The following TTC28 variants were observed in gnomAD, a reference collection of about 807,000 sequenced individuals.
TTC28 encodes the protein tetratricopeptide repeat protein 28.
Under a neutral mutation model 198.0 loss-of-function variants are expected in TTC28, and 61 were observed. The ratio of observed to expected loss-of-function variants is 0.31; its 90% CI spans 0.25 to 0.38. The LOEUF (loss-of-function observed/expected upper bound fraction) is 0.38, where lower values mean the gene tolerates loss of function less well. Among genes scored for constraint, TTC28 ranks in the 10% least tolerant of loss-of-function variants. TTC28 has a pLI of 1.00. For synonymous variants in TTC28, 1,171 were observed against 1,297.8 expected, an observed-to-expected ratio of 0.90 and a Z score of 2.10; for missense variants, 2,678 against 3,164.0, an observed-to-expected ratio of 0.85 and a Z score of 3.69.
chr22:28,247,514 G>A (rs534996054), intron 5 of TTC28, among the ~76,000 whole-genome samples: 2 of 152,294 alleles, frequency 1.3e-5, no homozygotes, highest in African/African-American at 4.8e-5. Flanking sequence ...CTGCTATACC[G>A]TGAGACAGAG....
intron 2 of TTC28, among the ~76,000 whole-genome samples, chr22:28,582,770 A>T (rs1465682290): frequency 6.6e-6 from 1 of 152,210 alleles, no homozygotes; most frequent in Non-Finnish European, 1.5e-5. Flanking sequence ...AAAAATACTT[A>T]TGTGGTCAAG....
chr22:28,100,034 G>C (rs1424623469), intron 9 of TTC28, among the ~76,000 whole-genome samples: 1 of 152,180 alleles, frequency 6.6e-6, no homozygotes, highest in Non-Finnish European at 1.5e-5. Context: ...CCATCAGTGA[G>C]GCCATCAGAC....
intron 12 of TTC28, among the ~76,000 whole-genome samples, chr22:28,034,077 C>T (rs1280343132): frequency 6.6e-6 from 1 of 152,164 alleles, no homozygotes; most frequent in Admixed American, 6.5e-5. Context: ...CAAATAGTGG[C>T]TGTGCAGAAA....
chr22:28,354,423 C>T (rs1308360400), intron 2 of TTC28, among the ~76,000 whole-genome samples: 2 of 151,992 alleles, frequency 1.3e-5, no homozygotes, highest in Admixed American at 6.6e-5. Context: ...AAACCAGATA[C>T]AAAAGGACAA....
intron 5 of TTC28, among the ~76,000 whole-genome samples, chr22:28,252,570 T>C (rs1260873504): frequency 1.3e-5 from 2 of 152,214 alleles, no homozygotes; most frequent in Non-Finnish European, 2.9e-5. Flanking sequence ...GCTAGGATCC[T>C]TTTTTCTTCT....
In TTC28 at chr22:27,990,010, G is replaced by T; in HGVS notation, c.5578-3C>A. 7 of 1,549,978 alleles carry T rather than the reference G, an allele frequency of 4.5e-6. No individual in the cohort carries two copies. Among genetic ancestry groups the T allele is most frequent in the Non-Finnish European group, 6.1e-6 (7 of 1,146,070 alleles). On this transcript the variant is annotated splice_region_variant and splice_polypyrimidine_tract_variant and intron_variant, in intron 20 of 22. Coordinates refer to ENST00000397906, the MANE Select transcript of TTC28 (RefSeq NM_001145418.2). ...AGCTGAACCAGCACCTGGTGGAGCTGAGGAAGGGGGGACAGCGTGAGCACC... is the reference window on the plus strand; with the variant it reads ...AGCTGAACCAGCACCTGGTGGAGCTTAGGAAGGGGGGACAGCGTGAGCACC...
intron 2 of TTC28, among the ~76,000 whole-genome samples, chr22:28,422,218 T>G (rs753926218): frequency 7.9e-5 from 12 of 152,122 alleles, no homozygotes; most frequent in Non-Finnish European, 1.2e-4. Context: ...AAGGCTGTCT[T>G]CCTCTCACTT....
intron 1 of TTC28, among the ~76,000 whole-genome samples, chr22:28,638,359 T>TA (rs1322713055): frequency 6.6e-6 from 1 of 152,006 alleles, no homozygotes; most frequent in Non-Finnish European, 1.5e-5. Flanking sequence ...AATAAAATTA[T>TA]AAAATATTAA....
At chr22:28,524,708 CAAAG>C (rs1568998337) in intron 2 of TTC28, among the ~76,000 whole-genome samples, 1 of 152,058 alleles carries the variant, frequency 6.6e-6, no homozygotes, top group South Asian at 2.1e-4. Context: ...TACAAATTGA[CAAAG>C]AAACCATTAT....
intron 2 of TTC28, among the ~76,000 whole-genome samples, chr22:28,615,721 C>T (rs1430036198): frequency 6.9e-6 from 1 of 145,688 alleles, no homozygotes; most frequent in Non-Finnish European, 1.5e-5. Flanking sequence ...CACATGTTTG[C>T]ACTCATAAGT....
Position 28,429,886 on chromosome 22 carries a change from C to T in TTC28, c.382-123243G>A, listed in dbSNP as rs145985809. ...GAGAATAGCATGACAGGAGAATGCT[C>T]CAAGTATGAGTTAAAGACTCTTTTC... On this transcript the variant is annotated intron_variant, in intron 2 of 22. Coordinates refer to ENST00000397906, the MANE Select transcript of TTC28 (RefSeq NM_001145418.2). 4.2e-4 allele frequency among the ~76,000 whole-genome samples: 64 copies of T among 152,226 alleles called. 1 individual carries two copies. The highest frequency in any genetic ancestry group is 1.4e-3 in the African/African-American group (60 of 41,534).
At chr22:28,031,684 G>C (rs1459168266) in intron 12 of TTC28, among the ~76,000 whole-genome samples, 5 of 152,156 alleles carry the variant, frequency 3.3e-5, no homozygotes, top group Non-Finnish European at 7.4e-5. Context: ...ATGCAAACTT[G>C]AATGCTCTAT....
intron 14 of TTC28, among the ~76,000 whole-genome samples, chr22:28,003,691 G>A (rs1206288468): frequency 6.6e-6 from 1 of 152,202 alleles, no homozygotes; most frequent in Non-Finnish European, 1.5e-5. Flanking sequence ...AAGTGAGGCT[G>A]GAATCCACGC....
intron 2 of TTC28, among the ~76,000 whole-genome samples, chr22:28,472,852 G>C (rs530117563): frequency 6.6e-6 from 1 of 152,144 alleles, no homozygotes; most frequent in South Asian, 2.1e-4. Flanking sequence ...GTAACAAGAA[G>C]TTTCAGAACA....
At chr22:28,214,480 C>A (rs1426341206) in intron 5 of TTC28, among the ~76,000 whole-genome samples, 1 of 152,184 alleles carries the variant, frequency 6.6e-6, no homozygotes, top group Non-Finnish European at 1.5e-5. Context: ...AGGATATGAA[C>A]AGACACATCT....
At chr22:28,524,077 C>T (rs2048961822) in intron 2 of TTC28, among the ~76,000 whole-genome samples, 2 of 152,132 alleles carry the variant, frequency 1.3e-5, no homozygotes, top group South Asian at 4.2e-4. Flanking sequence ...CTGAGTAACT[C>T]ACGATTTTAC....
chr22:28,128,598 C>T (rs1942976016), intron 6 of TTC28, among the ~76,000 whole-genome samples: 2 of 151,994 alleles, frequency 1.3e-5, no homozygotes, highest in East Asian at 1.9e-4. Context: ...AGTACAGTGG[C>T]TCAATCTCGG....
At chr22:28,595,185 T>A (rs897058053) in intron 2 of TTC28, among the ~76,000 whole-genome samples, 15 of 152,180 alleles carry the variant, frequency 9.9e-5, no homozygotes, top group Non-Finnish European at 1.5e-5. Context: ...ATACACCATT[T>A]TGCATTTTCA....
At chr22:28,335,722 C>A (rs1463722490) in intron 2 of TTC28, among the ~76,000 whole-genome samples, 1 of 152,266 alleles carries the variant, frequency 6.6e-6, no homozygotes, top group East Asian at 1.9e-4. Flanking sequence ...TCCTTATCAG[C>A]TTAAGAAGAT....
Sources: allele counts gnomAD v4.1 joint callset (sites outside exome capture counted in the v4.1 genomes callset), GRCh38; gene constraint gnomAD v4.1.1; transcripts MANE v1.5; gene names NCBI Gene and HGNC (gene_info 2026-07-23, HGNC 2026-07-21).